Variants in CYB5A observed in about 807,000 individuals in gnomAD.
CYB5A encodes cytochrome b5.
In CYB5A, 10 loss-of-function variants were observed where a neutral mutation model predicts 16.2. That is an observed-to-expected ratio of 0.62 (90% CI 0.38 to 1.04). The LOEUF (loss-of-function observed/expected upper bound fraction) is 1.04. CYB5A is among the 50% of genes least tolerant of loss of function. The pLI, the probability that CYB5A is intolerant of heterozygous loss-of-function variation, is 0.01. For synonymous variants in CYB5A, 62 were observed against 57.0 expected, an observed-to-expected ratio of 1.09 and a Z score of -0.40; for missense variants, 161 against 165.9, an observed-to-expected ratio of 0.97 and a Z score of 0.16.
intron 2 of CYB5A, among the ~76,000 whole-genome samples, chr18:74,263,108 A>C (rs1174281332): frequency 6.7e-6 from 1 of 150,142 alleles, no homozygotes; most frequent in Non-Finnish European, 1.5e-5. Flanking sequence ...TGATCGTGCC[A>C]CTGCACTCCA....
In CYB5A at chr18:74,253,458, A is replaced by T; in HGVS notation, c.*126T>A. The stretch of plus-strand genomic sequence containing the variant: ...GTTTTGTTTCTAATGTCGGAAGAAA[A>T]AGAAAGAGATATATTAAAATCATTG... On this transcript the variant is annotated 3_prime_UTR_variant, in exon 5 of 5. Coordinates refer to ENST00000340533, the MANE Select transcript of CYB5A (RefSeq NM_148923.4). The T allele has an allele frequency of 1.5e-6, 1 of 659,576 alleles. No individual in the cohort carries two copies. Among genetic ancestry groups the T allele is most frequent in the Non-Finnish European group, 2.8e-6 (1 of 362,950 alleles). 40.9% of individuals were successfully genotyped at this position (659,576 alleles called of 1,614,324 possible).
intron 1 of CYB5A, among the ~76,000 whole-genome samples, chr18:74,268,952 A>C (rs939386621): frequency 3.3e-5 from 5 of 152,234 alleles, no homozygotes; most frequent in African/African-American, 9.6e-5. Context: ...GCATATGAGA[A>C]TCCCCAGATA....
chr18:74,261,022 C>CT, intron 2 of CYB5A, 78 bp from the exon 3 acceptor site: 2 of 1,110,572 alleles, frequency 1.8e-6, no homozygotes, highest in Non-Finnish European at 2.8e-6. Flanking sequence ...GACTTTGAGA[C>CT]TTTTTAAAAT....
At chr18:74,258,134 C>T (rs1219360959) in intron 3 of CYB5A, 3 of 151,918 alleles carry the variant, frequency 2.0e-5, no homozygotes, top group Middle Eastern at 3.2e-3. Context: ...CACGGCAAGC[C>T]CAGAACCTAG....
At position 74,253,654 on chromosome 18, in the gene CYB5A, T is replaced by G. The variant is rs549735138; in HGVS notation, c.335A>C (p.Asn112Thr). ...TIDSSSSWWT[N>T]WVIPAISAVA... ...TGCAGAGATGGCAGGGATCACCCAGTTGGTCCACCAACTAGAAAGACACAA... is the reference window on the plus strand; with the variant it reads ...TGCAGAGATGGCAGGGATCACCCAGGTGGTCCACCAACTAGAAAGACACAA... The change falls in exon 5 of 5, where the codon AAC becomes ACC. Residue 112 changes from asparagine to threonine, a missense_variant. Transcript: ENST00000340533. 6.2e-7 allele frequency: 1 copy of G among 1,612,652 alleles called. No individual in the cohort carries two copies. The highest frequency in any genetic ancestry group is 8.5e-7 in the Non-Finnish European group (1 of 1,179,026).
chr18:74,251,151 C>G lies in CYB5A; in HGVS notation c.*2433G>C, dbSNP rs568561396. The G allele has an allele frequency of 7.1e-6, 1 of 141,784 alleles. No individual in the cohort carries two copies. The highest frequency in any genetic ancestry group is 1.5e-5 in the Non-Finnish European group (1 of 66,424). 8.8% of individuals were successfully genotyped at this position (141,784 alleles called of 1,614,324 possible). On this transcript the variant is annotated 3_prime_UTR_variant, in exon 5 of 5. Coordinates refer to ENST00000340533, the MANE Select transcript of CYB5A (RefSeq NM_148923.4). ...TACCACTGCACTCCAGCCTGGGCGA[C>G]AGAGTGAGACTCTGTCTCAAAAACA...
At chr18:74,290,407 G>C (rs1983487494) in intron 1 of CYB5A, among the ~76,000 whole-genome samples, 1 of 152,014 alleles carries the variant, frequency 6.6e-6, no homozygotes, top group African/African-American at 2.4e-5. Flanking sequence ...GCCAGGCCTG[G>C]CTAATTTTGG....
intron 1 of CYB5A, among the ~76,000 whole-genome samples, chr18:74,286,017 A>T (rs529273271): frequency 7.2e-5 from 11 of 152,252 alleles, no homozygotes; most frequent in African/African-American, 2.4e-4. Flanking sequence ...TGGGAACAGG[A>T]GTTACTGAAA....
chr18:74,272,802 T>A (rs1199139924), intron 1 of CYB5A, among the ~76,000 whole-genome samples: 1 of 151,322 alleles, frequency 6.6e-6, no homozygotes, highest in East Asian at 2.0e-4. Context: ...GGCGCCTGTA[T>A]CCTCAGCTAC....
intron 1 of CYB5A, among the ~76,000 whole-genome samples, chr18:74,275,922 C>A (rs377190279): frequency 1.3e-5 from 2 of 152,152 alleles, no homozygotes; most frequent in Non-Finnish European, 2.9e-5. Flanking sequence ...GAGGACCCGG[C>A]GGTGCGCAGA....
At chr18:74,278,245 G>C (rs907221848) in intron 1 of CYB5A, among the ~76,000 whole-genome samples, 1 of 152,190 alleles carries the variant, frequency 6.6e-6, no homozygotes, top group African/African-American at 2.4e-5. Context: ...TGTGTACTGA[G>C]AGGAGAGCCA....
At chr18:74,264,975 G>A (rs1982378719) in intron 1 of CYB5A, among the ~76,000 whole-genome samples, 1 of 151,950 alleles carries the variant, frequency 6.6e-6, no homozygotes, top group Admixed American at 6.6e-5. Flanking sequence ...TTCTTTAACT[G>A]AGCTTGAATG....
chr18:74,272,454 G>T (rs1478326365), intron 1 of CYB5A, among the ~76,000 whole-genome samples: 1 of 152,158 alleles, frequency 6.6e-6, no homozygotes, highest in Non-Finnish European at 1.5e-5. Context: ...TTTGCTGAGA[G>T]ATCTTTTGTC....
intron 1 of CYB5A, 63 bp downstream of exon 1, chr18:74,291,684 G>A (rs1983549592): frequency 6.2e-7 from 1 of 1,609,464 alleles, no homozygotes; most frequent in African/African-American, 1.3e-5. Flanking sequence ...GACAGGTCAT[G>A]CCAGTGAACC....
chr18:74,284,273 C>T (rs919139178), intron 1 of CYB5A, among the ~76,000 whole-genome samples: 6 of 147,452 alleles, frequency 4.1e-5, no homozygotes, highest in East Asian at 2.0e-4. Context: ...AAAGCACAAA[C>T]GCAAAGAAGG....
At chr18:74,264,703 G>A (rs1568216948) in intron 1 of CYB5A, among the ~76,000 whole-genome samples, 1 of 152,204 alleles carries the variant, frequency 6.6e-6, no homozygotes, top group African/African-American at 2.4e-5. Flanking sequence ...ACTCCACACT[G>A]GGGAGAGGCG....
intron 4 of CYB5A, 78 bp downstream of exon 4, chr18:74,255,663 G>C: frequency 8.6e-7 from 1 of 1,167,938 alleles, no homozygotes; most frequent in Non-Finnish European, 1.3e-6. Context: ...AACCCAGAAG[G>C]TGGGGGACGC....
intron 1 of CYB5A, among the ~76,000 whole-genome samples, chr18:74,280,422 A>C (rs1255346418): frequency 1.3e-5 from 2 of 150,644 alleles, no homozygotes; most frequent in Middle Eastern, 3.4e-3. Flanking sequence ...AAAAAAAAAA[A>C]GGGAAATTAG....
intron 1 of CYB5A, chr18:74,291,064 G>C (rs747525846): frequency 6.4e-6 from 1 of 155,716 alleles, no homozygotes; most frequent in Admixed American, 6.4e-5. Context: ...ACGCGAACGC[G>C]AGTGGGTGTG....
Sources: allele counts gnomAD v4.1 joint callset (sites outside exome capture counted in the v4.1 genomes callset), GRCh38; gene constraint gnomAD v4.1.1; transcripts MANE v1.5; gene names NCBI Gene and HGNC (gene_info 2026-07-23, HGNC 2026-07-21).